TMEM72: variants seen among roughly 807,000 people sequenced by gnomAD.
The protein encoded by TMEM72 is transmembrane protein 72, also known as kidney-specific secretory protein of 37 kDa.
TMEM72 carries 9 observed loss-of-function variants against 16.3 expected under a neutral mutation model. The observed-to-expected ratio is 0.55, with a 90% CI of 0.33 to 0.96. TMEM72 has a LOEUF of 0.96. Ranked by LOEUF, TMEM72 falls within the 40% of genes least tolerant of loss-of-function variation. The probability of loss-of-function intolerance (pLI) is 0.03; values close to 1 mark genes in which losing one functional copy is unlikely to be tolerated. For missense variants in TMEM72, 324 were observed against 337.8 expected (o/e 0.96, Z 0.32); for synonymous variants, 160 against 146.5 (o/e 1.09, Z -0.66).
intron 2 of TMEM72, among the ~76,000 whole-genome samples, chr10:44,931,230 G>A (rs1008828585): frequency 2.0e-5 from 3 of 152,226 alleles, no homozygotes; most frequent in Non-Finnish European, 4.4e-5. Context: ...GGAACATGGA[G>A]GATAGGCAGT....
rs1442935394 is a variant in TMEM72 at position 44,933,161 on chromosome 10, G to A, written c.210-476G>A. On this transcript the variant is annotated intron_variant, in intron 3 of 4. Transcript: ENST00000389583. ...TACAGTTAGAAAAGAAGCCCTTCTGGGCCAACACTGTACTGTGCCTAAGCA... is the reference window on the plus strand; with the variant it reads ...TACAGTTAGAAAAGAAGCCCTTCTGAGCCAACACTGTACTGTGCCTAAGCA... Among the ~76,000 whole-genome samples the A allele has an allele frequency of 2.0e-5, 3 of 152,206 alleles. No homozygotes were observed. The East Asian group carries it at 5.8e-4, about 29-fold the overall frequency.
At position 44,935,344 on chromosome 10, in the gene TMEM72, A is replaced by G. The variant is rs959851121; in HGVS notation, c.*210A>G. ...GCACAAACAAGGCTCACGCCACCTC[A>G]AGCCAGCACAAGCTCCTTCCTCCTG... On this transcript the variant is annotated 3_prime_UTR_variant, in exon 5 of 5. Coordinates refer to ENST00000389583, the MANE Select transcript of TMEM72 (RefSeq NM_001123376.3). 4.0e-6 allele frequency: 2 copies of G among 499,758 alleles called. No individual in the cohort carries two copies. Among genetic ancestry groups the G allele is most frequent in the Non-Finnish European group, 7.0e-6 (2 of 285,422 alleles). The allele number at this position is 499,758 out of a possible 1,614,324, so 31.0% of individuals were successfully genotyped here.
chr10:44,933,568 T>A, intron 3 of TMEM72, 69 bp from the exon 4 acceptor site: 1 of 1,557,642 alleles, frequency 6.4e-7, no homozygotes, highest in Non-Finnish European at 8.7e-7. Flanking sequence ...TGGCCCAGAC[T>A]CCATGGCATC....
At chr10:44,911,636 G>C in intron 1 of TMEM72, 54 bp downstream of exon 1, 1 of 1,539,056 alleles carries the variant, frequency 6.5e-7, no homozygotes. Context: ...CACAGATAGG[G>C]CTGCCTGAGG....
intron 2 of TMEM72, among the ~76,000 whole-genome samples, chr10:44,929,462 C>G (rs763856171): frequency 2.7e-5 from 4 of 150,088 alleles, no homozygotes; most frequent in Middle Eastern, 3.5e-3. Context: ...GACCTCCACT[C>G]CCCCCCCTCC....
At chr10:44,913,210 A>G (rs7077388) in intron 1 of TMEM72, among the ~76,000 whole-genome samples, 87,028 of 151,888 alleles carry the variant, frequency 0.57, 25,396 homozygotes, top group Middle Eastern at 0.64. Context: ...ATAGGTTTCC[A>G]TGTCTGTTGA....
chr10:44,926,797 C>A (rs928222903), intron 1 of TMEM72, among the ~76,000 whole-genome samples: 1 of 152,006 alleles, frequency 6.6e-6, no homozygotes, highest in Non-Finnish European at 1.5e-5. Flanking sequence ...CCCCTCCCAC[C>A]CCCCACCCCC....
intron 1 of TMEM72, among the ~76,000 whole-genome samples, chr10:44,912,103 ATGCTGGACCC>A (rs1226134032): frequency 6.6e-6 from 1 of 152,166 alleles, no homozygotes; most frequent in East Asian, 1.9e-4. Context: ...CCTCGGGCCC[ATGCTGGACCC>A]TGTTAACAGA....
intron 4 of TMEM72, among the ~76,000 whole-genome samples, 188 bp from the exon 5 acceptor site, chr10:44,934,467 GC>G (rs1840359467): frequency 6.6e-6 from 1 of 152,158 alleles, no homozygotes; most frequent in African/African-American, 2.4e-5. Flanking sequence ...CCCCATCCCA[GC>G]CTCCAAGTGG....
At chr10:44,932,912 C>T (rs1246428215) in intron 3 of TMEM72, among the ~76,000 whole-genome samples, 1 of 152,196 alleles carries the variant, frequency 6.6e-6, no homozygotes, top group African/African-American at 2.4e-5. Context: ...AGCCTGCGAG[C>T]ATAAGAGAGC....
At position 44,928,109 on chromosome 10, in the gene TMEM72, G is replaced by T. The variant is rs74585491; in HGVS notation, c.137+122G>T. 905 of 1,101,656 alleles carry T rather than the reference G, an allele frequency of 8.2e-4. 9 individuals are homozygous for T. The East Asian group carries it at 0.022, about 26-fold the overall frequency. The allele number at this position is 1,101,656 out of a possible 1,614,324, so 68.2% of individuals were successfully genotyped here. A position where few individuals can be genotyped will look rare whatever the true frequency, so the allele number is the denominator to read the frequency against. ...ATGTGAATTCCATCCTATCTCAGGG[G>T]TGAAGGGAGTTGAGGGGGGCTCTAG... On this transcript the variant is annotated intron_variant, in intron 2 of 4. Transcript: ENST00000389583.
intron 3 of TMEM72, 59 bp downstream of exon 3, chr10:44,932,128 G>A: frequency 1.3e-6 from 2 of 1,563,996 alleles, no homozygotes; most frequent in Non-Finnish European, 1.7e-6. Flanking sequence ...CACCACAGAT[G>A]TCTCCACCCA....
chr10:44,927,944 A>T lies in TMEM72; in HGVS notation c.94A>T (p.Thr32Ser), dbSNP rs752255695. The T allele has an allele frequency of 2.0e-5, 32 of 1,612,016 alleles. No homozygotes were observed. The Admixed American group carries it at 5.3e-4, about 27-fold the overall frequency. ...AGTGTTGATCGGCGTGGGCACTGAG[A>T]CCTTCCTCCAGGGCCAGTTCAAAAG... ...AAVLIGVGTE[T>S]FLQGQFKSLA... Residue 32 changes from threonine (T) to serine (S), a missense_variant, in exon 2 of 5, where the codon ACC becomes TCC. Transcript: ENST00000389583.
chr10:44,921,458 C>T (rs1463100056), intron 1 of TMEM72, among the ~76,000 whole-genome samples: 11 of 152,132 alleles, frequency 7.2e-5, no homozygotes, highest in African/African-American at 1.7e-4. Context: ...CATCTCAGGG[C>T]GATTATTTCT....
chr10:44,921,857 G>A (rs1054463642), intron 1 of TMEM72, among the ~76,000 whole-genome samples: 3 of 152,250 alleles, frequency 2.0e-5, no homozygotes, highest in Admixed American at 6.5e-5. Flanking sequence ...CCTACACTGC[G>A]CCTGAGGGAG....
chr10:44,921,100 T>G (rs552759911), intron 1 of TMEM72, among the ~76,000 whole-genome samples: 70 of 152,316 alleles, frequency 4.6e-4, no homozygotes, highest in African/African-American at 1.5e-3. Context: ...AGAAAGTTCT[T>G]GTACCAAGGT....
At chr10:44,919,161 C>T (rs1354886892) in intron 1 of TMEM72, among the ~76,000 whole-genome samples, 3 of 152,070 alleles carry the variant, frequency 2.0e-5, no homozygotes, top group Non-Finnish European at 4.4e-5. Flanking sequence ...AAGGAAACTC[C>T]CTCAACCTTA....
intron 1 of TMEM72, among the ~76,000 whole-genome samples, chr10:44,914,171 C>T (rs1386035132): frequency 3.3e-5 from 5 of 152,196 alleles, no homozygotes; most frequent in East Asian, 1.9e-4. Flanking sequence ...CTCGAAGTCC[C>T]GCAGACCATT....
Position 44,919,369 on chromosome 10 carries a change from G to A in TMEM72, c.70+7787G>A, listed in dbSNP as rs772836818. On this transcript the variant is annotated intron_variant, in intron 1 of 4. Coordinates refer to ENST00000389583, the MANE Select transcript of TMEM72 (RefSeq NM_001123376.3). ...AAGAAAAATTTTATTCACAGATGAC[G>A]TTATCATCTGTAGAAAATCTAATAG... Among the ~76,000 whole-genome samples, 134 of 152,114 alleles carry A rather than the reference G, an allele frequency of 8.8e-4. 2 individuals are homozygous for A. The highest frequency in any genetic ancestry group is 2.5e-3 in the Admixed American group (38 of 15,266).
Sources: gnomAD v4.1 joint callset for allele counts (sites outside exome capture counted in the v4.1 genomes callset) on GRCh38, gnomAD v4.1.1 for gene constraint, MANE v1.5 for transcripts, NCBI Gene and HGNC (gene_info 2026-07-23, HGNC 2026-07-21) for gene names.